The following MIDEAS variants were observed in gnomAD, a reference collection of about 807,000 sequenced individuals.
The protein encoded by MIDEAS is mitotic deacetylase associated SANT domain protein.
In MIDEAS, 26 loss-of-function variants were observed where a neutral mutation model predicts 102.7. The observed-to-expected ratio is 0.25, with a 90% CI of 0.19 to 0.35. MIDEAS has a LOEUF of 0.35. Ranked by LOEUF, MIDEAS falls within the 10% of genes least tolerant of loss-of-function variation. The pLI is 1.00. For missense variants in MIDEAS, 1,231 were observed against 1,435.6 expected (o/e 0.86, Z 2.30); for synonymous variants, 585 against 591.0 (o/e 0.99, Z 0.15).
At chr14:73,729,584 C>CCCTGGCCCAGATG in intron 4 of MIDEAS, 56 bp downstream of exon 4, 9 of 1,439,976 alleles carry the variant, frequency 6.3e-6, no homozygotes, top group Non-Finnish European at 8.6e-6. Flanking sequence ...TGAGATGCCT[C>CCCTGGCCCAGATG]CCTGCCCAGT....
Position 73,716,156 on chromosome 14 carries a change from A to G in MIDEAS, c.*2687T>C, listed in dbSNP as rs1404833486. The G allele has an allele frequency of 2.0e-5, 3 of 152,614 alleles. No homozygotes were observed. In the East Asian group the frequency reaches 5.8e-4, roughly 29 times the overall value. 9.5% of individuals were successfully genotyped at this position (152,614 alleles called of 1,614,324 possible). On this transcript the variant is annotated 3_prime_UTR_variant, in exon 13 of 13. Transcript: ENST00000423556. ...CCAGGGAGAAAGCACCATTAAGGATATACCTATGCCAGCTTCTATAGCTGC... is the reference window on the plus strand; with the variant it reads ...CCAGGGAGAAAGCACCATTAAGGATGTACCTATGCCAGCTTCTATAGCTGC...
In MIDEAS at chr14:73,783,903, G is replaced by A. The variant is rs545770876; in HGVS notation, c.-248+3199C>T. Among the ~76,000 whole-genome samples, 5 of 152,262 alleles carry A rather than the reference G, an allele frequency of 3.3e-5. No homozygotes were observed. In the East Asian group the frequency reaches 7.7e-4, roughly 23 times the overall value. ...GTTCGGCCTCCTTTTTTGGAGGTGG[G>A]TTGTGATGTCAAAACACTGGGTTGT... On this transcript the variant is annotated intron_variant, in intron 1 of 11. Transcript: ENST00000394071.
chr14:73,748,095 C>A (rs1429912376), intron 1 of MIDEAS, among the ~76,000 whole-genome samples: 3 of 151,978 alleles, frequency 2.0e-5, no homozygotes, highest in Non-Finnish European at 4.4e-5. Flanking sequence ...ATGGTATACT[C>A]AAAAATATCT....
chr14:73,763,602 C>T (rs1566605462), upstream of MIDEAS, among the ~76,000 whole-genome samples: 1 of 152,164 alleles, frequency 6.6e-6, no homozygotes, highest in African/African-American at 2.4e-5. Context: ...AAACAACCAA[C>T]CTTTACCAGA....
At chr14:73,722,869 G>A (rs772267137) in intron 9 of MIDEAS, 22 bp from the exon 10 acceptor site, 3 of 1,612,264 alleles carry the variant, frequency 1.9e-6, no homozygotes, top group Non-Finnish European at 2.5e-6. Context: ...TCAAAACTGA[G>A]GTCAGAACCC....
At chr14:73,766,760 C>A (rs544623141) in intron 1 of MIDEAS, among the ~76,000 whole-genome samples, 1 of 151,938 alleles carries the variant, frequency 6.6e-6, no homozygotes, top group South Asian at 2.1e-4. Flanking sequence ...CCGTGTTAGC[C>A]AGGATGGTCG....
intron 1 of MIDEAS, among the ~76,000 whole-genome samples, chr14:73,748,444 T>C (rs748149760): frequency 5.9e-5 from 9 of 151,990 alleles, no homozygotes; most frequent in Admixed American, 1.3e-4. Flanking sequence ...GGTAGGAGAA[T>C]TGCTTGAACC....
Position 73,725,904 on chromosome 14 carries a change from G to T in MIDEAS, c.2485+129C>A. On this transcript the variant is annotated intron_variant, in intron 8 of 12. Coordinates refer to ENST00000423556, the MANE Select transcript of MIDEAS (RefSeq NM_001367710.1). This position sits in a 1 kb window ranked among gnomAD's most constrained non-coding sequence, Gnocchi z 4.1. The stretch of plus-strand genomic sequence containing the variant: ...GCTTTGGTGGCAGTTCCCTCACTCT[G>T]ACTCTTGGCTTATCTACCCTCCTCC... 1 of 792,148 alleles carries T rather than the reference G, an allele frequency of 1.3e-6. No homozygotes were observed. The highest frequency in any genetic ancestry group is 2.1e-6 in the Non-Finnish European group (1 of 480,642). The allele number at this position is 792,148 out of a possible 1,614,324, so 49.1% of individuals were successfully genotyped here. A position where few individuals can be genotyped will look rare whatever the true frequency, so the allele number is the denominator to read the frequency against.
rs529207231 is a variant in MIDEAS at position 73,742,352 on chromosome 14, C to T, written c.-247-2097G>A. On this transcript the variant is annotated intron_variant, in intron 1 of 12. Transcript: ENST00000423556. This position sits in a 1 kb window ranked among gnomAD's most constrained non-coding sequence, Gnocchi z 4.4. ...AGGGAAGGTCCACGTGGCGGGTGGG[C>T]CTGGATGCACGTGCCAGTGTGAACC... Among the ~76,000 whole-genome samples the T allele has an allele frequency of 1.0e-4, 15 of 150,710 alleles. 1 individual carries two copies. The East Asian group carries it at 2.5e-3, about 25-fold the overall frequency.
At chr14:73,779,954 GCTC>G (rs1359412443) in intron 1 of MIDEAS, among the ~76,000 whole-genome samples, 5 of 149,124 alleles carry the variant, frequency 3.4e-5, no homozygotes, top group Non-Finnish European at 7.4e-5. Context: ...CTCACTGCAA[GCTC>G]CTCCTCCCGG....
At position 73,738,683 on chromosome 14, in the gene MIDEAS, A is replaced by G; in HGVS notation, c.1326T>C (p.Cys442=). The change falls in exon 2 of 13, where the codon TGT becomes TGC. Residue 442 remains cysteine (C), a synonymous_variant. Coordinates refer to ENST00000423556, the MANE Select transcript of MIDEAS (RefSeq NM_001367710.1). ...EGMRAVSTGD[C]GQVLRGGVIQ... ...TCACTCCGCCCCGTAGCACCTGCCC[A>G]CAGTCCCCTGTGCTCACTGCCCTCA... The G allele has an allele frequency of 6.2e-7, 1 of 1,613,778 alleles. No individual in the cohort carries two copies. Among genetic ancestry groups the G allele is most frequent in the African/African-American group, 1.3e-5 (1 of 75,060 alleles).
rs573996788 is a variant in MIDEAS at position 73,766,576 on chromosome 14, G to C, written c.-248+20526C>G. 4.6e-5 allele frequency among the ~76,000 whole-genome samples: 7 copies of C among 151,212 alleles called. No homozygotes were observed. The South Asian group carries it at 8.3e-4, about 18-fold the overall frequency. On this transcript the variant is annotated intron_variant, in intron 1 of 11. Transcript: ENST00000394071. ...CTTTTCTTTTTTTTTTTGAGATGGAGTCTAGCTCTGTTACCCAGGCTGGAG... is the reference window on the plus strand; with the variant it reads ...CTTTTCTTTTTTTTTTTGAGATGGACTCTAGCTCTGTTACCCAGGCTGGAG...
chr14:73,734,911 G>C (rs1044739393), intron 3 of MIDEAS, among the ~76,000 whole-genome samples: 3 of 152,144 alleles, frequency 2.0e-5, no homozygotes, highest in Non-Finnish European at 4.4e-5. Flanking sequence ...AACAAAATGG[G>C]GAAATGGGAT....
intron 1 of MIDEAS, among the ~76,000 whole-genome samples, chr14:73,784,551 C>T (rs369611958): frequency 6.6e-5 from 10 of 152,184 alleles, no homozygotes; most frequent in African/African-American, 2.2e-4. Flanking sequence ...AAATTCTACA[C>T]GAACACAAAG....
intron 1 of MIDEAS, among the ~76,000 whole-genome samples, chr14:73,765,887 A>G (rs1718213263): frequency 6.6e-6 from 1 of 152,146 alleles, no homozygotes; most frequent in African/African-American, 2.4e-5. Flanking sequence ...AGTTGGTACA[A>G]TGTCCCCCAG....
chr14:73,747,317 G>A (rs1023862363), intron 1 of MIDEAS, among the ~76,000 whole-genome samples: 1 of 152,190 alleles, frequency 6.6e-6, no homozygotes, highest in South Asian at 2.1e-4. Context: ...GCCACTCACT[G>A]GTTCCTGCCT....
At chr14:73,786,869 G>T (rs548459255) in intron 1 of MIDEAS, among the ~76,000 whole-genome samples, 99 of 146,690 alleles carry the variant, frequency 6.7e-4, no homozygotes, top group Admixed American at 2.0e-3. Context: ...AGCTGGCCCC[G>T]CTGCAGCCCT....
chr14:73,780,707 G>C (rs12891084), intron 1 of MIDEAS, among the ~76,000 whole-genome samples: 77,015 of 151,954 alleles, frequency 0.51, 20,610 homozygotes, highest in East Asian at 0.8. Flanking sequence ...CCTGTGTCTT[G>C]GGAACTGGGA....
At chr14:73,749,853 T>C (rs1414746524) in intron 1 of MIDEAS, among the ~76,000 whole-genome samples, 1 of 152,080 alleles carries the variant, frequency 6.6e-6, no homozygotes, top group Admixed American at 6.5e-5. Context: ...ACACCTTCGG[T>C]GTCACAGTCC....
Sources: gnomAD v4.1 joint callset for allele counts (sites outside exome capture counted in the v4.1 genomes callset) on GRCh38, gnomAD v4.1.1 for gene constraint, Gnocchi (gnomAD v3.1) non-coding constraint, MANE v1.5 for transcripts, NCBI Gene and HGNC (gene_info 2026-07-23, HGNC 2026-07-21) for gene names.